RANBP2: variants seen among roughly 807,000 people sequenced by gnomAD.
RANBP2 encodes the protein E3 SUMO-protein ligase RanBP2.
Under a neutral mutation model 303.6 loss-of-function variants are expected in RANBP2, and 57 were observed. The observed-to-expected ratio is 0.19, with a 90% CI of 0.15 to 0.23. The LOEUF (loss-of-function observed/expected upper bound fraction) is 0.23, where lower values mean the gene tolerates loss of function less well. Among genes scored for constraint, RANBP2 ranks in the 10% least tolerant of loss-of-function variants. The pLI is 1.00. For synonymous variants in RANBP2, 1,167 were observed against 1,301.5 expected, an observed-to-expected ratio of 0.90 and a Z score of 2.23; for missense variants, 3,138 against 3,780.8, an observed-to-expected ratio of 0.83 and a Z score of 4.46.
At chr2:109,652,309 G>C in the RANBP2 span, among the ~76,000 whole-genome samples, 34 of 151,018 alleles carry the variant, frequency 2.3e-4, no homozygotes, top group Non-Finnish European at 4.0e-4. Flanking sequence ...TGCAAGCTCC[G>C]CCTCCCAGGT....
the RANBP2 span, among the ~76,000 whole-genome samples, chr2:108,993,524 G>A: frequency 6.6e-6 from 1 of 152,316 alleles, no homozygotes; most frequent in East Asian, 1.9e-4. Context: ...AAGTCTGGGG[G>A]AGTATTTGCA....
At chr2:108,931,084 G>A in the RANBP2 span, 13 of 1,511,270 alleles carry the variant, frequency 8.6e-6, no homozygotes, top group South Asian at 1.1e-5. Flanking sequence ...CCCAGCCGGG[G>A]GTCTGGCTAC....
chr2:108,762,372 T>A (rs879163615), intron 19 of RANBP2, among the ~76,000 whole-genome samples, 177 bp downstream of exon 19: 1 of 90,570 alleles, frequency 1.1e-5, no homozygotes, highest in East Asian at 2.6e-4. Flanking sequence ...CTTATTTTTG[T>A]GTTAATAAGT....
At chr2:109,588,848 A>AT in the RANBP2 span, among the ~76,000 whole-genome samples, 5 of 97,618 alleles carry the variant, frequency 5.1e-5, no homozygotes, top group African/African-American at 1.8e-4. Context: ...GTCAATTACT[A>AT]TTAAAAAAAA....
chr2:108,885,161 C>G, the RANBP2 span: 1 of 152,304 alleles, frequency 6.6e-6, no homozygotes, highest in African/African-American at 2.4e-5. Context: ...CCCACCTTTA[C>G]CCGCCCCCAA....
chr2:109,213,482 C>G, the RANBP2 span, among the ~76,000 whole-genome samples: 1 of 152,094 alleles, frequency 6.6e-6, no homozygotes, highest in Admixed American at 6.5e-5. Flanking sequence ...AGGACGTGGC[C>G]CCAGGATCTG....
the RANBP2 span, among the ~76,000 whole-genome samples, chr2:108,796,496 A>G: frequency 6.6e-6 from 1 of 152,220 alleles, no homozygotes; most frequent in African/African-American, 2.4e-5. Flanking sequence ...CCCCGAAAAA[A>G]GAAAACGGCG....
At chr2:109,416,802 A>G in the RANBP2 span, among the ~76,000 whole-genome samples, 1 of 150,802 alleles carries the variant, frequency 6.6e-6, no homozygotes, top group Non-Finnish European at 1.5e-5. Flanking sequence ...GCTACTCAGG[A>G]GGCTAAGTCG....
the RANBP2 span, among the ~76,000 whole-genome samples, chr2:109,731,399 T>G: frequency 1.3e-5 from 2 of 152,046 alleles, no homozygotes; most frequent in African/African-American, 4.8e-5. Context: ...TTTTTTAATT[T>G]TTTTTTTTCT....
At chr2:109,473,865 G>A in the RANBP2 span, among the ~76,000 whole-genome samples, 1 of 152,004 alleles carries the variant, frequency 6.6e-6, no homozygotes, top group Admixed American at 6.5e-5. Context: ...CGCTCTCCTT[G>A]TGCCCCTGAA....
the RANBP2 span, chr2:108,875,948 CTT>C: frequency 1.7e-6 from 1 of 577,518 alleles, no homozygotes. Flanking sequence ...GCATTCTAAT[CTT>C]TTAGTTGCCT....
the RANBP2 span, among the ~76,000 whole-genome samples, chr2:108,828,688 A>C: frequency 4.6e-5 from 7 of 152,158 alleles, no homozygotes; most frequent in Non-Finnish European, 1.0e-4. Flanking sequence ...GATATGTAAA[A>C]TTTAACTCGG....
At chr2:109,133,420 T>G in the RANBP2 span, among the ~76,000 whole-genome samples, 1 of 152,234 alleles carries the variant, frequency 6.6e-6, no homozygotes, top group Non-Finnish European at 1.5e-5. Flanking sequence ...TTGTTAAATA[T>G]TTTATTTTAT....
At chr2:108,851,893 C>A in the RANBP2 span, among the ~76,000 whole-genome samples, 1 of 152,144 alleles carries the variant, frequency 6.6e-6, no homozygotes, top group African/African-American at 2.4e-5. Flanking sequence ...ATACTATTAT[C>A]CTCATATTAG....
At chr2:109,193,377 C>T in the RANBP2 span, among the ~76,000 whole-genome samples, 2 of 152,298 alleles carry the variant, frequency 1.3e-5, no homozygotes, top group South Asian at 4.1e-4. Context: ...AATGTGTAGC[C>T]ATCGCCACAG....
the RANBP2 span, among the ~76,000 whole-genome samples, chr2:109,691,460 T>G: frequency 6.6e-6 from 1 of 152,176 alleles, no homozygotes; most frequent in Non-Finnish European, 1.5e-5. Context: ...GGCTCTGTTC[T>G]GAGCTGGATC....
At chr2:108,949,335 A>T in the RANBP2 span, among the ~76,000 whole-genome samples, 3 of 152,226 alleles carry the variant, frequency 2.0e-5, no homozygotes, top group Non-Finnish European at 4.4e-5. Context: ...TATTCCAAAG[A>T]GAAAAGCAAT....
chr2:109,571,057 G>GATCTGGTTGTTTA, the RANBP2 span, among the ~76,000 whole-genome samples: 1 of 152,076 alleles, frequency 6.6e-6, no homozygotes, highest in Admixed American at 6.6e-5. Context: ...GTTCTCACGA[G>GATCTGGTTGTTTA]ATCTGGTTGT....
chr2:109,426,992 C>T, the RANBP2 span, among the ~76,000 whole-genome samples: 6 of 150,860 alleles, frequency 4.0e-5, no homozygotes, highest in Non-Finnish European at 7.4e-5. Flanking sequence ...TTTTTTGAGA[C>T]GAGTCTCGCT....
Sources: allele counts gnomAD v4.1 joint callset (sites outside exome capture counted in the v4.1 genomes callset), GRCh38; gene constraint gnomAD v4.1.1; transcripts MANE v1.5; gene names NCBI Gene and HGNC (gene_info 2026-07-23, HGNC 2026-07-21).